SLC25A18: variants seen among roughly 807,000 people sequenced by gnomAD.
SLC25A18 encodes solute carrier family 25 member 18.
SLC25A18 carries 24 observed loss-of-function variants against 31.1 expected under a neutral mutation model. The observed-to-expected ratio is 0.77, with a 90% CI of 0.56 to 1.08. SLC25A18 has a LOEUF of 1.08. Among genes scored for constraint, SLC25A18 ranks in the 50% least tolerant of loss-of-function variants. The probability of loss-of-function intolerance (pLI) is 0.00; values close to 1 mark genes in which losing one functional copy is unlikely to be tolerated. For synonymous variants in SLC25A18, 173 were observed against 161.9 expected (o/e 1.07, Z -0.52); for missense variants, 371 against 418.5 (o/e 0.89, Z 0.99).
At chr22:17,563,781 G>T (rs2056865414) in intron 1 of SLC25A18, 68 bp downstream of exon 1, 1 of 904,858 alleles carries the variant, frequency 1.1e-6, no homozygotes, top group South Asian at 5.1e-5. Flanking sequence ...CCAAAAGGGG[G>T]AAAAATAGCC....
chr22:17,582,604 A>C lies in SLC25A18; in HGVS notation c.241A>C (p.Ile81Leu), dbSNP rs146248451. 2 of 1,605,576 alleles carry C rather than the reference A, an allele frequency of 1.2e-6. No homozygotes were observed. The highest frequency in any genetic ancestry group is 3.4e-5 in the Admixed American group (2 of 59,016). Residue 81 changes from isoleucine to leucine, a missense_variant, in exon 6 of 11, where the codon ATC becomes CTC. Physicochemically the swap from Ile to Leu is conservative, Grantham distance 5 (BLOSUM62 2). Coordinates refer to ENST00000327451, the MANE Select transcript of SLC25A18 (RefSeq NM_031481.3). Reference sequence around the variant, plus strand: ...CACTCTGGTCACTCCAGAGAAGGCCATCAAGCTGGCGGCCAACGACTTTTT... The same window carrying C: ...CACTCTGGTCACTCCAGAGAAGGCCCTCAAGCTGGCGGCCAACGACTTTTT... ...NLTLVTPEKA[I>L]KLAANDFFRR...
intron 3 of SLC25A18, chr22:17,580,678 G>T: frequency 9.6e-7 from 1 of 1,041,148 alleles, no homozygotes; most frequent in Non-Finnish European, 1.2e-6. Context: ...CAGTCCGTTT[G>T]TGTGAGAACT....
intron 9 of SLC25A18, 151 bp from the exon 10 acceptor site, chr22:17,589,439 G>C: frequency 1.7e-6 from 1 of 588,690 alleles, no homozygotes; most frequent in Non-Finnish European, 3.1e-6. Flanking sequence ...GCCTCCCAAA[G>C]TGCTGGGATT....
chr22:17,581,028 C>A lies in SLC25A18; in HGVS notation c.21-9C>A, dbSNP rs1178404575. 14 of 1,544,070 alleles carry A rather than the reference C, an allele frequency of 9.1e-6. No homozygotes were observed. The highest frequency in any genetic ancestry group is 1.2e-5 in the Non-Finnish European group (14 of 1,142,592). On this transcript the variant is annotated splice_polypyrimidine_tract_variant and intron_variant, in intron 3 of 10. Coordinates refer to ENST00000327451, the MANE Select transcript of SLC25A18 (RefSeq NM_031481.3). The stretch of plus-strand genomic sequence containing the variant: ...CCTCTCTCCTCCCCCTGTCCTCCCC[C>A]TGTCCTAGCATCACAGCCAAACTCA...
chr22:17,581,106 C>T lies in SLC25A18; in HGVS notation c.90C>T (p.Asp30=). 6 of 1,582,578 alleles carry T rather than the reference C, an allele frequency of 3.8e-6. No individual in the cohort carries two copies. Among genetic ancestry groups the T allele is most frequent in the Non-Finnish European group, 5.2e-6 (6 of 1,163,552 alleles). Residue 30 remains aspartate (D), a synonymous_variant, in exon 4 of 11, where the codon GAC becomes GAT. Transcript: ENST00000327451. ...LVGVTCVFPI[D]LAKTRLQNQH... ...GGGTGACCTGCGTGTTCCCCATCGA[C>T]TTGGCCAAGACTCGCCTGCAGAACC...
At chr22:17,564,870 T>C (rs1170372342) in intron 1 of SLC25A18, among the ~76,000 whole-genome samples, 1 of 78,306 alleles carries the variant, frequency 1.3e-5, no homozygotes, top group African/African-American at 4.4e-5. Flanking sequence ...AAAAAAAAAA[T>C]CAGGCCCAGG....
intron 2 of SLC25A18, among the ~76,000 whole-genome samples, chr22:17,575,452 C>T (rs1381827672): frequency 9.9e-5 from 15 of 152,146 alleles, no homozygotes; most frequent in Admixed American, 7.9e-4. Flanking sequence ...ATCATCTCTG[C>T]GGGTCTGCTT....
At chr22:17,584,688 G>A (rs944945452) in intron 7 of SLC25A18, among the ~76,000 whole-genome samples, 2 of 145,792 alleles carry the variant, frequency 1.4e-5, no homozygotes, top group African/African-American at 5.1e-5. Context: ...GCTGAGGCAG[G>A]AGAATCGCTT....
At chr22:17,580,534 A>G in intron 3 of SLC25A18, 1 of 989,136 alleles carries the variant, frequency 1.0e-6, no homozygotes. Flanking sequence ...CTCTCTTATT[A>G]TGAACAATAG....
At chr22:17,573,805 C>T (rs2057158712) in intron 2 of SLC25A18, among the ~76,000 whole-genome samples, 1 of 152,180 alleles carries the variant, frequency 6.6e-6, no homozygotes, top group Non-Finnish European at 1.5e-5. Context: ...TTGTTCTCTA[C>T]CCCTTCTCCC....
At chr22:17,573,662 C>T (rs1013207019) in intron 2 of SLC25A18, among the ~76,000 whole-genome samples, 3 of 152,154 alleles carry the variant, frequency 2.0e-5, no homozygotes, top group African/African-American at 4.8e-5. Flanking sequence ...CTCTCTCCTT[C>T]CCTGCAGGCA....
chr22:17,586,271 T>C (rs564509307), intron 7 of SLC25A18, among the ~76,000 whole-genome samples: 1 of 152,198 alleles, frequency 6.6e-6, no homozygotes, highest in Non-Finnish European at 1.5e-5. Context: ...TCCCAGCACT[T>C]TGGGAGGCAG....
intron 1 of SLC25A18, among the ~76,000 whole-genome samples, chr22:17,564,301 T>C (rs1043031928): frequency 6.6e-6 from 1 of 152,204 alleles, no homozygotes; most frequent in Non-Finnish European, 1.5e-5. Context: ...CAATGTAGCC[T>C]GGCCATCATC....
chr22:17,584,631 T>C (rs1185579524), intron 7 of SLC25A18, among the ~76,000 whole-genome samples: 1 of 150,422 alleles, frequency 6.6e-6, no homozygotes, highest in African/African-American at 2.5e-5. Flanking sequence ...AATACAAAAA[T>C]TAGCCAGGCG....
chr22:17,587,912 T>G lies in SLC25A18; in HGVS notation c.576-13T>G. The G allele has an allele frequency of 6.2e-7, 1 of 1,613,942 alleles. No individual in the cohort carries two copies. The highest frequency in any genetic ancestry group is 8.5e-7 in the Non-Finnish European group (1 of 1,179,900). On this transcript the variant is annotated splice_polypyrimidine_tract_variant and intron_variant, in intron 8 of 10. Coordinates refer to ENST00000327451, the MANE Select transcript of SLC25A18 (RefSeq NM_031481.3). ...CAGCTCGGAGCTCAGTGTTTCTCCTTCCTCTTCTGCAGAGACATTCCTTTC... is the reference window on the plus strand; with the variant it reads ...CAGCTCGGAGCTCAGTGTTTCTCCTGCCTCTTCTGCAGAGACATTCCTTTC...
chr22:17,572,339 G>T (rs1461784067), intron 2 of SLC25A18, among the ~76,000 whole-genome samples: 1 of 151,544 alleles, frequency 6.6e-6, no homozygotes, highest in African/African-American at 2.4e-5. Context: ...CAGAAATATA[G>T]GTGGGCATGC....
rs1320849676 is a variant in SLC25A18, at chr22:17,586,205, A to G, written c.410-931A>G. On this transcript the variant is annotated intron_variant, in intron 7 of 10. Transcript: ENST00000327451. ...TTCTGCCTAATGGTGGAAAGCCACA[A>G]ATTCTTTTTGTGTCTAGAAATCACC... Among the ~76,000 whole-genome samples, 5 of 152,244 alleles carry G rather than the reference A, an allele frequency of 3.3e-5. No homozygotes were observed. The East Asian group carries it at 5.8e-4, about 18-fold the overall frequency.
At chr22:17,571,928 A>C (rs1569178393) in intron 2 of SLC25A18, among the ~76,000 whole-genome samples, 1 of 151,866 alleles carries the variant, frequency 6.6e-6, no homozygotes, top group Non-Finnish European at 1.5e-5. Flanking sequence ...GAGGCAGGAG[A>C]ATCGCTTGAA....
At chr22:17,581,500 G>C (rs1203949343) in intron 5 of SLC25A18, 87 bp downstream of exon 5, 1 of 1,486,908 alleles carries the variant, frequency 6.7e-7, no homozygotes, top group Non-Finnish European at 9.3e-7. Context: ...GTTGCTGCGG[G>C]GATGGGGCCA....
Sources: gnomAD v4.1 joint callset for allele counts (sites outside exome capture counted in the v4.1 genomes callset) on GRCh38, gnomAD v4.1.1 for gene constraint, MANE v1.5 for transcripts, NCBI Gene and HGNC (gene_info 2026-07-23, HGNC 2026-07-21) for gene names.